RMDN2: variants seen among roughly 807,000 people sequenced by gnomAD.
The protein encoded by RMDN2 is regulator of microtubule dynamics 2, also known as regulator of microtubule dynamics protein 2.
In RMDN2, 61 loss-of-function variants were observed where a neutral mutation model predicts 52.8. The ratio of observed to expected loss-of-function variants is 1.16; its 90% CI spans 0.94 to 1.43. The LOEUF is 1.43. RMDN2 is among the 40% of genes most tolerant of loss of function. The pLI is 0.00. For synonymous variants in RMDN2, 180 were observed against 153.1 expected, an observed-to-expected ratio of 1.18 and a Z score of -1.30; for missense variants, 592 against 475.3, an observed-to-expected ratio of 1.25 and a Z score of -2.28.
intron 2 of RMDN2, among the ~76,000 whole-genome samples, chr2:37,953,673 T>C (rs1193325924): frequency 6.6e-6 from 1 of 152,036 alleles, no homozygotes; most frequent in African/African-American, 2.4e-5. Context: ...AACTGTCTGT[T>C]CGAAACCTTC....
At chr2:37,953,907 G>C (rs1294403292) in intron 2 of RMDN2, among the ~76,000 whole-genome samples, 2 of 151,932 alleles carry the variant, frequency 1.3e-5, no homozygotes, top group African/African-American at 4.8e-5. Context: ...GTATGAGGTG[G>C]TATCTCATTG....
intron 7 of RMDN2, among the ~76,000 whole-genome samples, chr2:37,993,363 G>A (rs1675078516): frequency 6.6e-6 from 1 of 152,174 alleles, no homozygotes; most frequent in South Asian, 2.1e-4. Flanking sequence ...TTCCGCCAAG[G>A]TAATAAAGCA....
chr2:38,000,833 T>A (rs990765675), intron 8 of RMDN2, among the ~76,000 whole-genome samples: 3 of 152,234 alleles, frequency 2.0e-5, no homozygotes, highest in African/African-American at 7.2e-5. Context: ...ATTGACATAT[T>A]TTATTTCTCT....
chr2:37,970,206 G>C (rs1287404790), intron 2 of RMDN2, among the ~76,000 whole-genome samples: 2 of 152,030 alleles, frequency 1.3e-5, no homozygotes, highest in African/African-American at 4.8e-5. Context: ...GGAATATACC[G>C]CACCTGGCTG....
intron 3 of RMDN2, 31 bp downstream of exon 3, chr2:37,974,245 G>C: frequency 7.0e-7 from 1 of 1,425,350 alleles, no homozygotes; most frequent in Non-Finnish European, 9.4e-7. Context: ...ACTTCGTATA[G>C]TTCCATTTTT....
chr2:37,941,329 G>A (rs1320641546), intron 2 of RMDN2, among the ~76,000 whole-genome samples: 1 of 152,210 alleles, frequency 6.6e-6, no homozygotes, highest in African/African-American at 2.4e-5. Context: ...GATGTCTGTT[G>A]ACCCCTGCTG....
At chr2:37,954,355 C>T (rs1057244299) in intron 2 of RMDN2, among the ~76,000 whole-genome samples, 1 of 152,006 alleles carries the variant, frequency 6.6e-6, no homozygotes, top group Non-Finnish European at 1.5e-5. Context: ...GTCTTTGATG[C>T]ATTTTGAGTT....
At chr2:37,921,635 G>A (rs994515617), upstream of RMDN2, among the ~76,000 whole-genome samples, 3 of 152,176 alleles carry the variant, frequency 2.0e-5, no homozygotes, top group Non-Finnish European at 4.4e-5. Context: ...GAAGGGCTAT[G>A]ATGTTCTTGT....
chr2:38,016,590 A>C (rs917897184), intron 10 of RMDN2, among the ~76,000 whole-genome samples: 2 of 152,202 alleles, frequency 1.3e-5, no homozygotes, highest in East Asian at 1.9e-4. Context: ...GACAATGCAC[A>C]TGGAGAGAAA....
At chr2:37,971,794 C>A (rs928237914) in intron 2 of RMDN2, among the ~76,000 whole-genome samples, 1 of 152,112 alleles carries the variant, frequency 6.6e-6, no homozygotes, top group Non-Finnish European at 1.5e-5. Context: ...AGTCTTCTCT[C>A]CTTGCTCCCT....
chr2:38,002,246 A>G (rs918885064), intron 8 of RMDN2, among the ~76,000 whole-genome samples: 8 of 152,336 alleles, frequency 5.3e-5, no homozygotes, highest in South Asian at 4.1e-4. Context: ...TGACTCAGCA[A>G]TTCAACTTCT....
chr2:37,982,466 A>C (rs1673451708), intron 5 of RMDN2, among the ~76,000 whole-genome samples: 1 of 152,302 alleles, frequency 6.6e-6, no homozygotes, highest in East Asian at 1.9e-4. Flanking sequence ...AGAGAGTGGA[A>C]GGCAGAACCC....
At chr2:38,038,183 G>A (rs1486710299) in intron 10 of RMDN2, among the ~76,000 whole-genome samples, 1 of 152,092 alleles carries the variant, frequency 6.6e-6, no homozygotes, top group African/African-American at 2.4e-5. Flanking sequence ...CCCAGGGGAG[G>A]GCTTCCGGGA....
chr2:38,021,684 A>G (rs555933179), downstream of RMDN2, among the ~76,000 whole-genome samples: 51 of 152,194 alleles, frequency 3.4e-4, no homozygotes, highest in Non-Finnish European at 6.2e-4. Context: ...ACACATAAGG[A>G]GTGTGCAACG....
At chr2:37,990,358 A>T (rs1674613608) in intron 6 of RMDN2, among the ~76,000 whole-genome samples, 1 of 150,244 alleles carries the variant, frequency 6.7e-6, no homozygotes, top group African/African-American at 2.5e-5. Flanking sequence ...ATCTCTACTA[A>T]AAATACAAAA....
chr2:37,981,730 C>T (rs531486553), intron 5 of RMDN2, among the ~76,000 whole-genome samples: 1 of 152,086 alleles, frequency 6.6e-6, no homozygotes, highest in East Asian at 1.9e-4. Context: ...TCGTAATATA[C>T]AAATTCCACA....
intron 10 of RMDN2, among the ~76,000 whole-genome samples, chr2:38,025,389 T>C (rs955554453): frequency 6.6e-6 from 1 of 152,132 alleles, no homozygotes; most frequent in African/African-American, 2.4e-5. Context: ...TAGATTCCAT[T>C]AGATTTTCTA....
At chr2:37,989,325 C>T (rs913396015) in intron 5 of RMDN2, among the ~76,000 whole-genome samples, 2 of 152,116 alleles carry the variant, frequency 1.3e-5, no homozygotes, top group Non-Finnish European at 2.9e-5. Flanking sequence ...TCACAGTATA[C>T]ATGTAAATAT....
chr2:38,010,557 G>A (rs981446151), intron 10 of RMDN2, among the ~76,000 whole-genome samples: 24 of 152,282 alleles, frequency 1.6e-4, no homozygotes, highest in African/African-American at 5.5e-4. Flanking sequence ...AAGACCATTG[G>A]AAAAGCGCAG....
Sources: allele counts gnomAD v4.1 joint callset (sites outside exome capture counted in the v4.1 genomes callset), GRCh38; gene constraint gnomAD v4.1.1; transcripts MANE v1.5; gene names NCBI Gene and HGNC (gene_info 2026-07-23, HGNC 2026-07-21).